APBA2: variants seen among roughly 807,000 people sequenced by gnomAD.
APBA2 encodes the protein amyloid beta precursor protein binding family A member 2, also known as amyloid-beta A4 precursor protein-binding family A member 2.
APBA2 carries 30 observed loss-of-function variants against 75.0 expected under a neutral mutation model. The ratio of observed to expected loss-of-function variants is 0.40; its 90% CI spans 0.30 to 0.54. APBA2 has a LOEUF of 0.54. APBA2 is among the 20% of genes least tolerant of loss of function. The probability of loss-of-function intolerance (pLI) is 0.49; values close to 1 mark genes in which losing one functional copy is unlikely to be tolerated. For synonymous variants in APBA2, 444 were observed against 409.6 expected (o/e 1.08, Z -1.01); for missense variants, 801 against 1,016.1 (o/e 0.79, Z 2.88).
intron 4 of APBA2, among the ~76,000 whole-genome samples, chr15:29,066,758 T>G (rs2042396602): frequency 6.8e-6 from 1 of 147,720 alleles, no homozygotes; most frequent in Non-Finnish European, 1.5e-5. Flanking sequence ...AAGAAGAGGT[T>G]TTTCAGTGAA....
At chr15:29,000,626 T>C (rs551924235) in intron 3 of APBA2, among the ~76,000 whole-genome samples, 27 of 152,266 alleles carry the variant, frequency 1.8e-4, no homozygotes, top group African/African-American at 5.8e-4. Flanking sequence ...GGTCTTGCTC[T>C]ATTGCCCAGG....
Position 28,925,966 on chromosome 15 carries a change from C to G in APBA2, c.-95+4217C>G, listed in dbSNP as rs2034239166. ...CTGATAATTTTCCTTGGTTGGTAGT[C>G]TGCTTTGTCTGAAATTAATAATGGT... On this transcript the variant is annotated intron_variant, in intron 2 of 14. Coordinates refer to ENST00000683413, the MANE Select transcript of APBA2 (RefSeq NM_001353788.2). 3.3e-5 allele frequency among the ~76,000 whole-genome samples: 5 copies of G among 152,098 alleles called. No individual in the cohort carries two copies. The South Asian group carries it at 1.0e-3, about 31-fold the overall frequency.
intron 2 of APBA2, among the ~76,000 whole-genome samples, chr15:28,956,310 GC>G (rs1039543916): frequency 3.9e-5 from 6 of 151,956 alleles, no homozygotes; most frequent in Admixed American, 3.9e-4. Flanking sequence ...CCATGGGTGG[GC>G]TGGATTGAGA....
intron 2 of APBA2, among the ~76,000 whole-genome samples, chr15:28,970,800 A>G (rs1484542108): frequency 6.6e-6 from 1 of 152,010 alleles, no homozygotes; most frequent in Non-Finnish European, 1.5e-5. Context: ...AGAAAAAACA[A>G]AGCCCAGGGC....
At chr15:28,961,524 C>T (rs1488488107) in intron 2 of APBA2, 1 of 152,230 alleles carries the variant, frequency 6.6e-6, no homozygotes, top group Admixed American at 6.5e-5. Flanking sequence ...TTGTGAAAAT[C>T]AAGGGAGTCT....
chr15:29,102,065 T>C, intron 10 of APBA2: 4 of 555,926 alleles, frequency 7.2e-6, no homozygotes, highest in Non-Finnish European at 1.3e-5. Flanking sequence ...TACAAAACAT[T>C]TTCTCTACTA....
chr15:29,013,859 G>C (rs2039526146), intron 3 of APBA2, among the ~76,000 whole-genome samples: 1 of 152,226 alleles, frequency 6.6e-6, no homozygotes, highest in Non-Finnish European at 1.5e-5. Context: ...ACTTGTGTAA[G>C]AAGATTGCTT....
chr15:28,937,726 T>G (rs1033700501), intron 2 of APBA2, among the ~76,000 whole-genome samples: 2 of 151,942 alleles, frequency 1.3e-5, no homozygotes, highest in African/African-American at 4.8e-5. Context: ...GCACCATCTC[T>G]GCTTACTGCA....
chr15:28,912,542 C>T (rs1054078592), intron 1 of APBA2, among the ~76,000 whole-genome samples: 25 of 152,306 alleles, frequency 1.6e-4, no homozygotes, highest in African/African-American at 5.8e-4. Flanking sequence ...TCAGGGTGAG[C>T]GCGGTTCAGG....
intron 2 of APBA2, among the ~76,000 whole-genome samples, chr15:28,952,798 A>G (rs2035958921): frequency 6.6e-6 from 1 of 152,174 alleles, no homozygotes; most frequent in South Asian, 2.1e-4. Flanking sequence ...GACATTTTAC[A>G]TGTATTTATC....
At chr15:28,935,936 C>T (rs2034840468) in intron 2 of APBA2, among the ~76,000 whole-genome samples, 2 of 152,236 alleles carry the variant, frequency 1.3e-5, no homozygotes, top group Admixed American at 1.3e-4. Flanking sequence ...CCTATTCCCA[C>T]ACCAGAGTGG....
At chr15:28,944,028 G>T (rs2152709531) in intron 2 of APBA2, among the ~76,000 whole-genome samples, 1 of 152,174 alleles carries the variant, frequency 6.6e-6, no homozygotes, top group Non-Finnish European at 1.5e-5. Flanking sequence ...CTTGCATCCT[G>T]CCACCTCTGG....
rs558141271 is a variant in APBA2, at chr15:28,941,255, A to G, written c.-95+19506A>G. Among the ~76,000 whole-genome samples the G allele has an allele frequency of 3.9e-5, 6 of 152,266 alleles. No homozygotes were observed. In the South Asian group the frequency reaches 1.2e-3, roughly 32 times the overall value. On this transcript the variant is annotated intron_variant, in intron 2 of 14. Transcript: ENST00000683413. Reference sequence around the variant, plus strand: ...GCGTCTCAGCACATCTGAATTCACAAGCTGGGCGCTGGTGGCCCTGGGGCC... The same window carrying G: ...GCGTCTCAGCACATCTGAATTCACAGGCTGGGCGCTGGTGGCCCTGGGGCC...
intron 2 of APBA2, among the ~76,000 whole-genome samples, chr15:28,967,857 G>A (rs955354476): frequency 1.3e-5 from 2 of 152,168 alleles, no homozygotes; most frequent in African/African-American, 4.8e-5. Context: ...TAAGGACATT[G>A]ACATTGTTGT....
chr15:28,917,847 C>T (rs536507365), intron 1 of APBA2, among the ~76,000 whole-genome samples: 12 of 152,292 alleles, frequency 7.9e-5, no homozygotes, highest in East Asian at 5.8e-4. Context: ...TTTTGCACCC[C>T]GGCTTACTGT....
At chr15:28,954,199 G>A (rs2152727307) in intron 2 of APBA2, among the ~76,000 whole-genome samples, 1 of 152,274 alleles carries the variant, frequency 6.6e-6, no homozygotes, top group South Asian at 2.1e-4. Context: ...TCATCTCCTT[G>A]CTAGATTGCT....
Position 29,108,251 on chromosome 15 carries a change from C to T in APBA2, c.1918-19C>T. 1.2e-6 allele frequency: 2 copies of T among 1,613,566 alleles called. No homozygotes were observed. Among genetic ancestry groups the T allele is most frequent in the East Asian group, 2.2e-5 (1 of 44,858 alleles). On this transcript the variant is annotated intron_variant, in intron 12 of 14. Coordinates refer to ENST00000683413, the MANE Select transcript of APBA2 (RefSeq NM_001353788.2). Reference sequence around the variant, plus strand: ...ATGTCTAAGGCCCAGCCTGTGACTCCTGTCCCCGTGCTCTGCAGGGCCTGA... The same window carrying T: ...ATGTCTAAGGCCCAGCCTGTGACTCTTGTCCCCGTGCTCTGCAGGGCCTGA...
intron 1 of APBA2, among the ~76,000 whole-genome samples, chr15:28,901,466 G>A (rs2032849196): frequency 6.6e-6 from 1 of 152,192 alleles, no homozygotes; most frequent in Non-Finnish European, 1.5e-5. Flanking sequence ...GCCTGTCCTT[G>A]CCTTCAGCAC....
At chr15:29,115,138 A>G (rs2045013033) in intron 14 of APBA2, among the ~76,000 whole-genome samples, 1 of 151,404 alleles carries the variant, frequency 6.6e-6, no homozygotes, top group Admixed American at 6.6e-5. Flanking sequence ...CCCGCTGGGG[A>G]CCGGGCAGGG....
Sources: gnomAD v4.1 joint callset for allele counts (sites outside exome capture counted in the v4.1 genomes callset) on GRCh38, gnomAD v4.1.1 for gene constraint, MANE v1.5 for transcripts, NCBI Gene and HGNC (gene_info 2026-07-23, HGNC 2026-07-21) for gene names.